NRG3: variants seen among roughly 807,000 people sequenced by gnomAD.
NRG3 encodes pro-neuregulin-3, membrane-bound isoform.
Under a neutral mutation model 66.9 loss-of-function variants are expected in NRG3, and 31 were observed. The ratio of observed to expected loss-of-function variants is 0.46; its 90% CI spans 0.35 to 0.63. NRG3 has a LOEUF of 0.63. Among genes scored for constraint, NRG3 ranks in the 20% least tolerant of loss-of-function variants. The probability of loss-of-function intolerance (pLI) is 0.00; values close to 1 mark genes in which losing one functional copy is unlikely to be tolerated. For missense variants in NRG3, 910 were observed against 878.9 expected (o/e 1.04, Z -0.45); for synonymous variants, 393 against 359.4 (o/e 1.09, Z -1.06).
At position 81,928,733 on chromosome 10, in the gene NRG3, G is replaced by A. The variant is rs186182796; in HGVS notation, c.823+52570G>A. 2.4e-3 allele frequency among the ~76,000 whole-genome samples: 358 copies of A among 152,238 alleles called. 2 individuals are homozygous for A. Among genetic ancestry groups the A allele is most frequent in the African/African-American group, 8.1e-3 (337 of 41,568 alleles). ...GTCATGTATAATCATAATAAGAGCC[G>A]TAATAGTATTTTAAAAGGTTTAAAT... On this transcript the variant is annotated intron_variant, in intron 1 of 8. Transcript: ENST00000372141.
chr10:82,100,618 A>G (rs1053533667), intron 1 of NRG3, among the ~76,000 whole-genome samples: 4 of 152,008 alleles, frequency 2.6e-5, no homozygotes, highest in Non-Finnish European at 5.9e-5. Flanking sequence ...TTTTTTGTAT[A>G]TATTTTGATA....
intron 1 of NRG3, among the ~76,000 whole-genome samples, chr10:82,052,747 A>G (rs1262501593): frequency 6.6e-6 from 1 of 152,210 alleles, no homozygotes; most frequent in Non-Finnish European, 1.5e-5. Flanking sequence ...TGAAAAATAT[A>G]AACAAGAAGG....
chr10:82,726,669 G>T (rs575035016), intron 2 of NRG3, among the ~76,000 whole-genome samples: 5 of 152,156 alleles, frequency 3.3e-5, no homozygotes, highest in Admixed American at 6.6e-5. Flanking sequence ...AGTGAAAATG[G>T]ACTAATACAT....
At chr10:82,029,151 G>A (rs1359711317) in intron 1 of NRG3, among the ~76,000 whole-genome samples, 1 of 152,108 alleles carries the variant, frequency 6.6e-6, no homozygotes, top group East Asian at 1.9e-4. Flanking sequence ...GGAGGTTGCA[G>A]TGATCAGAGA....
At chr10:82,135,181 A>C (rs1267618017) in intron 1 of NRG3, among the ~76,000 whole-genome samples, 1 of 150,792 alleles carries the variant, frequency 6.6e-6, no homozygotes, top group Non-Finnish European at 1.5e-5. Flanking sequence ...CCTGGATTAT[A>C]GGGTTTCCAC....
intron 7 of NRG3, among the ~76,000 whole-genome samples, chr10:82,975,503 C>T (rs1852168419): frequency 6.6e-6 from 1 of 152,148 alleles, no homozygotes. Flanking sequence ...TAAATAAGGA[C>T]ATCTTTAAGA....
intron 1 of NRG3, among the ~76,000 whole-genome samples, chr10:82,257,756 G>A (rs2077808401): frequency 1.3e-5 from 2 of 151,968 alleles, no homozygotes; most frequent in Admixed American, 1.3e-4. Flanking sequence ...GACAGAGCAA[G>A]ATTTTGTCTC....
intron 6 of NRG3, among the ~76,000 whole-genome samples, chr10:82,959,747 A>G (rs1302609270): frequency 2.6e-5 from 4 of 152,186 alleles, no homozygotes; most frequent in Non-Finnish European, 5.9e-5. Context: ...GGAGTTTCAT[A>G]ATCAATCCTT....
intron 1 of NRG3, among the ~76,000 whole-genome samples, chr10:81,975,899 T>C (rs545785009): frequency 6.6e-6 from 1 of 152,014 alleles, no homozygotes; most frequent in Non-Finnish European, 1.5e-5. Context: ...AATTCAGAGA[T>C]AGATTTGAAG....
In NRG3 at chr10:82,534,262, A is replaced by AT. The variant is rs1264974238; in HGVS notation, c.953+175398dup. ...TTTTCTACCAGTAATAGAAAAATCC[A>AT]TTTTGTTTTTTTTTTTTGAGACAGA... On this transcript the variant is annotated intron_variant, in intron 2 of 8. Coordinates refer to ENST00000372141, the MANE Select transcript of NRG3 (RefSeq NM_001010848.4). Among the ~76,000 whole-genome samples, 1,459 of 150,442 alleles carry AT rather than the reference A, an allele frequency of 9.7e-3. 30 individuals carry two copies. The highest frequency in any genetic ancestry group is 0.034 in the African/African-American group (1,383 of 41,068).
intron 1 of NRG3, among the ~76,000 whole-genome samples, chr10:82,356,034 A>G (rs868813345): frequency 1.0e-3 from 153 of 152,210 alleles, no homozygotes; most frequent in African/African-American, 3.5e-3. Context: ...GCCTCAGTAC[A>G]TGTTAAGCCT....
intron 2 of NRG3, among the ~76,000 whole-genome samples, chr10:82,734,270 TTTA>T (rs2058053661): frequency 2.6e-5 from 4 of 152,294 alleles, no homozygotes; most frequent in Middle Eastern, 3.4e-3. Context: ...GGGGGTGCTT[TTTA>T]TTTCAGGTAC....
chr10:82,854,124 CTAAT>C (rs2063695423), intron 3 of NRG3, among the ~76,000 whole-genome samples: 1 of 152,152 alleles, frequency 6.6e-6, no homozygotes, highest in Non-Finnish European at 1.5e-5. Context: ...CACAGTTCAC[CTAAT>C]TAATTATGAT....
chr10:82,219,021 G>C (rs1007417072), intron 1 of NRG3, among the ~76,000 whole-genome samples: 1 of 151,814 alleles, frequency 6.6e-6, no homozygotes, highest in African/African-American at 2.4e-5. Context: ...CTTTCACTAA[G>C]TGCTTCTTAA....
intron 4 of NRG3, among the ~76,000 whole-genome samples, chr10:82,917,627 T>C (rs541738344): frequency 8.5e-5 from 13 of 152,274 alleles, no homozygotes; most frequent in South Asian, 6.2e-4. Flanking sequence ...TTCATCTTCC[T>C]TGTTGGTGCT....
At chr10:82,402,233 T>C (rs983484849) in intron 2 of NRG3, among the ~76,000 whole-genome samples, 1 of 152,132 alleles carries the variant, frequency 6.6e-6, no homozygotes, top group South Asian at 2.1e-4. Flanking sequence ...GAATAAATAG[T>C]CATAGAAATA....
chr10:82,624,599 A>T (rs1204556497), intron 2 of NRG3, among the ~76,000 whole-genome samples: 1 of 151,714 alleles, frequency 6.6e-6, no homozygotes, highest in Non-Finnish European at 1.5e-5. Context: ...AATTGTGTTA[A>T]TTTTTTTAAA....
chr10:81,928,188 CATATT>C (rs540692872), intron 1 of NRG3, among the ~76,000 whole-genome samples: 82 of 152,236 alleles, frequency 5.4e-4, no homozygotes, highest in African/African-American at 1.8e-3. Context: ...AAGGAAGTAA[CATATT>C]ATGTAGCATC....
intron 2 of NRG3, among the ~76,000 whole-genome samples, chr10:82,373,235 C>G (rs1290950915): frequency 3.3e-5 from 5 of 152,204 alleles, no homozygotes; most frequent in Non-Finnish European, 7.3e-5. Context: ...ATTCCTAAAA[C>G]AGGATAGCTT....
Sources: gnomAD v4.1 joint callset for allele counts (sites outside exome capture counted in the v4.1 genomes callset) on GRCh38, gnomAD v4.1.1 for gene constraint, MANE v1.5 for transcripts, NCBI Gene and HGNC (gene_info 2026-07-23, HGNC 2026-07-21) for gene names.